The following SNX5 variants were observed in gnomAD, a reference collection of about 807,000 sequenced individuals.
SNX5 encodes the protein sorting nexin-5.
SNX5 carries 31 observed loss-of-function variants against 53.9 expected under a neutral mutation model. The ratio of observed to expected loss-of-function variants is 0.58; its 90% CI spans 0.43 to 0.78. The LOEUF (loss-of-function observed/expected upper bound fraction) is 0.78. Among genes scored for constraint, SNX5 ranks in the 30% least tolerant of loss-of-function variants. SNX5 has a pLI of 0.00. For synonymous variants in SNX5, 168 were observed against 171.1 expected (o/e 0.98, Z 0.14); for missense variants, 471 against 478.8 (o/e 0.98, Z 0.15).
chr20:17,950,054 T>C (rs2039543055), intron 8 of SNX5, 78 bp downstream of exon 8: 1 of 1,226,446 alleles, frequency 8.2e-7, no homozygotes, highest in South Asian at 1.2e-5. Flanking sequence ...ATGTAGTCAC[T>C]ACTCATTTAT....
intron 2 of SNX5, among the ~76,000 whole-genome samples, chr20:17,956,653 C>T (rs1343078607): frequency 3.7e-5 from 4 of 108,310 alleles, no homozygotes; most frequent in African/African-American, 1.1e-4. Flanking sequence ...CCAGCCTGGG[C>T]AACACAATGA....
chr20:17,945,281 C>T (rs1347460909), intron 11 of SNX5: 1 of 152,212 alleles, frequency 6.6e-6, no homozygotes, highest in South Asian at 2.1e-4. Context: ...TCCTGTGAAA[C>T]CAGCCCTTAC....
chr20:17,967,688 T>C (rs2035572990), intron 1 of SNX5: 1 of 167,448 alleles, frequency 6.0e-6, no homozygotes, highest in Non-Finnish European at 1.3e-5. Context: ...TGGAGGCTCG[T>C]CTGAATCTTT....
chr20:17,943,097 A>T lies in SNX5; in HGVS notation c.1164+13T>A, dbSNP rs968208521. 6.4e-7 allele frequency: 1 copy of T among 1,552,104 alleles called. No homozygotes were observed. Among genetic ancestry groups the T allele is most frequent in the African/African-American group, 1.4e-5 (1 of 73,802 alleles). ...CATAAAAGATGTTGGCTTCATCTGT[A>T]GAAAACACTTACCCTGGCATGTTTT... On this transcript the variant is annotated intron_variant, in intron 12 of 12. Coordinates refer to ENST00000377759, the MANE Select transcript of SNX5 (RefSeq NM_014426.4).
intron 11 of SNX5, 65 bp downstream of exon 11, chr20:17,947,421 A>G (rs2039500568): frequency 1.9e-6 from 3 of 1,556,350 alleles, no homozygotes; most frequent in South Asian, 2.4e-5. Context: ...CACTATTTGT[A>G]GAACTTTTCT....
chr20:17,959,148 A>C (rs3790295), intron 1 of SNX5, among the ~76,000 whole-genome samples: 12 of 152,006 alleles, frequency 7.9e-5, no homozygotes, highest in African/African-American at 2.9e-4. Flanking sequence ...GAGCCTGTGA[A>C]CTCCACATGG....
intron 1 of SNX5, chr20:17,968,014 A>G (rs2035585472): frequency 7.5e-6 from 3 of 398,270 alleles, no homozygotes; most frequent in South Asian, 1.3e-4. Context: ...GGTCTGTCGC[A>G]TGTTAAGTCA....
At chr20:17,962,108 C>G in intron 1 of SNX5, 2 of 422,202 alleles carry the variant, frequency 4.7e-6, no homozygotes, top group Non-Finnish European at 6.3e-6. Context: ...CTAATACGTA[C>G]CTATCTGTGT....
intron 2 of SNX5, among the ~76,000 whole-genome samples, chr20:17,956,695 A>AAC (rs2035364843): frequency 7.7e-6 from 1 of 129,072 alleles, no homozygotes; most frequent in Admixed American, 7.7e-5. Flanking sequence ...AAAAAAAAAA[A>AAC]AAAAAAAAAC....
rs761850586 is a variant in SNX5 at position 17,947,583 on chromosome 20, A to G, written c.981T>C (p.Asp327=). ...CGTCTTTGCTCTTTAACCGGGCCTTATCCAGAGCTTTGTTTGAGTTCTCAT... is the reference window on the plus strand; with the variant it reads ...CGTCTTTGCTCTTTAACCGGGCCTTGTCCAGAGCTTTGTTTGAGTTCTCAT... The part of the protein sequence containing the change: ...IDYENSNKAL[D]KARLKSKDVK... Residue 327 remains aspartate (D), a synonymous_variant, in exon 11 of 13, where the codon GAT becomes GAC. Coordinates refer to ENST00000377759, the MANE Select transcript of SNX5 (RefSeq NM_014426.4). 3.3e-5 allele frequency: 53 copies of G among 1,613,892 alleles called. No homozygotes were observed. The highest frequency in any genetic ancestry group is 3.3e-4 in the Middle Eastern group (2 of 6,082).
chr20:17,956,146 T>C (rs1310802835), intron 2 of SNX5, among the ~76,000 whole-genome samples: 2 of 151,866 alleles, frequency 1.3e-5, no homozygotes, highest in East Asian at 3.9e-4. Context: ...AAAAATAAAT[T>C]TTAAAAAAAC....
intron 1 of SNX5, among the ~76,000 whole-genome samples, chr20:17,959,189 A>C (rs2035410550): frequency 6.6e-6 from 1 of 152,192 alleles, no homozygotes; most frequent in South Asian, 2.1e-4. Context: ...AGGAGGACCC[A>C]AGGGGGATGT....
At chr20:17,960,862 T>C (rs576743828) in intron 1 of SNX5, among the ~76,000 whole-genome samples, 1 of 152,118 alleles carries the variant, frequency 6.6e-6, no homozygotes, top group African/African-American at 2.4e-5. Context: ...TCAGAATTTT[T>C]AAAAAATTTT....
chr20:17,954,843 TG>T (rs1568592988), intron 3 of SNX5, among the ~76,000 whole-genome samples: 1 of 152,182 alleles, frequency 6.6e-6, no homozygotes, highest in East Asian at 1.9e-4. Flanking sequence ...CCCCAGTGGC[TG>T]GGACTACAGG....
At chr20:17,954,982 G>T (rs1009506418) in intron 3 of SNX5, among the ~76,000 whole-genome samples, 3 of 152,184 alleles carry the variant, frequency 2.0e-5, no homozygotes, top group Non-Finnish European at 4.4e-5. Flanking sequence ...AAAGTGCTAG[G>T]ATTAAAGGCA....
At chr20:17,956,201 T>G (rs1032942502) in intron 2 of SNX5, among the ~76,000 whole-genome samples, 9 of 152,232 alleles carry the variant, frequency 5.9e-5, no homozygotes, top group Non-Finnish European at 8.8e-5. Context: ...GTCCCTGGCT[T>G]CCTTCCTTTT....
At chr20:17,959,090 G>A (rs545739561) in intron 1 of SNX5, among the ~76,000 whole-genome samples, 1 of 152,268 alleles carries the variant, frequency 6.6e-6, no homozygotes, top group South Asian at 2.1e-4. Context: ...CTGCTCAAAT[G>A]AATATGCTGA....
At chr20:17,947,671 A>T (rs188643925) in intron 10 of SNX5, 26 bp from the exon 11 acceptor site, 28 of 1,596,352 alleles carry the variant, frequency 1.8e-5, no homozygotes, top group Non-Finnish European at 2.4e-5. Flanking sequence ...ACAGGTATAC[A>T]TACTAAGTAT....
intron 12 of SNX5, 153 bp downstream of exon 12, chr20:17,942,957 A>G: frequency 1.6e-6 from 1 of 616,814 alleles, no homozygotes; most frequent in Non-Finnish European, 2.9e-6. Flanking sequence ...CAAGACTACA[A>G]ATAAACAATG....
Sources: allele counts gnomAD v4.1 joint callset (sites outside exome capture counted in the v4.1 genomes callset), GRCh38; gene constraint gnomAD v4.1.1; transcripts MANE v1.5; gene names NCBI Gene and HGNC (gene_info 2026-07-23, HGNC 2026-07-21).